STAC2: variants seen among roughly 807,000 people sequenced by gnomAD.
The protein encoded by STAC2 is SH3 and cysteine-rich domain-containing protein 2.
In STAC2, 36 loss-of-function variants were observed where a neutral mutation model predicts 49.0. The observed-to-expected ratio is 0.74, with a 90% confidence interval of 0.56 to 0.97. STAC2 has a LOEUF of 0.97. Ranked by LOEUF, STAC2 falls within the 50% of genes least tolerant of loss-of-function variation. The pLI is 0.00. For synonymous variants in STAC2, 239 were observed against 214.7 expected (o/e 1.11, Z -0.99); for missense variants, 527 against 543.8 (o/e 0.97, Z 0.31).
intron 4 of STAC2, 97 bp from the exon 5 acceptor site, chr17:39,215,327 C>A: frequency 8.3e-7 from 1 of 1,204,440 alleles, no homozygotes; most frequent in African/African-American, 1.5e-5. Context: ...CCAGCTGCCC[C>A]CTCACCTGTC....
At chr17:39,213,430 G>T (rs2144229134) in intron 9 of STAC2, 77 bp downstream of exon 9, 2 of 1,551,460 alleles carry the variant, frequency 1.3e-6, no homozygotes, top group Non-Finnish European at 1.8e-6. Flanking sequence ...GAGAGAAGGT[G>T]GGGGCAGTGC....
At chr17:39,224,689 C>G (rs890342614) in intron 1 of STAC2, among the ~76,000 whole-genome samples, 1 of 152,234 alleles carries the variant, frequency 6.6e-6, no homozygotes, top group African/African-American at 2.4e-5. Context: ...CCCGCTCCCC[C>G]TCCTCTGGTC....
intron 4 of STAC2, 72 bp from the exon 5 acceptor site, chr17:39,215,302 C>G: frequency 4.6e-6 from 7 of 1,507,520 alleles, no homozygotes; most frequent in Non-Finnish European, 5.5e-6. Context: ...CTCAGCATGC[C>G]CCAGGCTGAG....
intron 4 of STAC2, among the ~76,000 whole-genome samples, chr17:39,216,316 C>T (rs893489674): frequency 1.3e-5 from 2 of 152,194 alleles, no homozygotes; most frequent in African/African-American, 4.8e-5. Flanking sequence ...TCCTTATCTT[C>T]CCCACTTAAG....
At chr17:39,215,376 C>G (rs1348395796) in intron 4 of STAC2, 146 bp from the exon 5 acceptor site, 1 of 788,570 alleles carries the variant, frequency 1.3e-6, no homozygotes. Flanking sequence ...GGCTCTGGGT[C>G]CTCCCATGGT....
At position 39,225,549 on chromosome 17, in the gene STAC2, C is replaced by G. The variant is rs2046505663; in HGVS notation, c.-47G>C. 1 of 1,576,594 alleles carries G rather than the reference C, an allele frequency of 6.3e-7. No individual in the cohort carries two copies. The highest frequency in any genetic ancestry group is 8.7e-7 in the Non-Finnish European group (1 of 1,153,568). ...AGGGTGCCGAGATCCGACGGCAGGC[C>G]CACCGCGGGCAGGCTGCGGGTGGCG... On this transcript the variant is annotated 5_prime_UTR_variant, in exon 1 of 11. Transcript: ENST00000333461. The surrounding 1 kb of genome is among the most constrained non-coding windows in gnomAD (Gnocchi z 8.2).
In STAC2 at chr17:39,213,556, G is replaced by C. The variant is rs1231678177; in HGVS notation, c.944C>G (p.Pro315Arg). 1 of 1,613,750 alleles carries C rather than the reference G, an allele frequency of 6.2e-7. No homozygotes were observed. The highest frequency in any genetic ancestry group is 8.5e-7 in the Non-Finnish European group (1 of 1,179,816). The change falls in exon 9 of 11, where the codon CCT (proline) becomes CGT (arginine). Residue 315 changes from proline (P) to arginine (R), a missense_variant and splice_region_variant. Coordinates refer to ENST00000333461, the MANE Select transcript of STAC2 (RefSeq NM_198993.5). ...ATCCACCAGCATGATCCGATCTCCA[G>C]GCCTGGGGAGGACAGAGCTAGGGTT... ...PQENNDLALQ[P>R]GDRIMLVDDS...
Position 39,214,317 on chromosome 17 carries a change from G to C in STAC2, c.857C>G (p.Thr286Ser). The C allele has an allele frequency of 6.2e-7, 1 of 1,614,034 alleles. No individual in the cohort carries two copies. Among genetic ancestry groups the C allele is most frequent in the African/African-American group, 1.3e-5 (1 of 75,056 alleles). Residue 286 changes from threonine (T) to serine (S), a missense_variant, in exon 8 of 11, where the codon ACC becomes AGC. By Grantham distance (58) the Thr-to-Ser change is moderately conservative (BLOSUM62 1). Coordinates refer to ENST00000333461, the MANE Select transcript of STAC2 (RefSeq NM_198993.5). ...CATGGGCCCCACATCCTTCCGCAGG[G>C]TGGCTTTGGGGAGCTGCGGGAGAAT... ...KSPGQQLPKA[T>S]LRKDVGPMYS...
At chr17:39,217,502 T>C (rs749272549) in intron 2 of STAC2, among the ~76,000 whole-genome samples, 1 of 151,988 alleles carries the variant, frequency 6.6e-6, no homozygotes, top group Non-Finnish European at 1.5e-5. Flanking sequence ...GGTGGATGGA[T>C]TGCTTGAGCC....
Position 39,215,022 on chromosome 17 carries a change from C to T in STAC2, c.701G>A (p.Ser234Asn), listed in dbSNP as rs1233111331. The T allele has an allele frequency of 3.1e-6, 5 of 1,614,026 alleles. No homozygotes were observed. The highest frequency in any genetic ancestry group is 2.5e-6 in the Non-Finnish European group (3 of 1,180,016). The change falls in exon 6 of 11, where the codon AGT becomes AAT. Residue 234 changes from serine to asparagine, a missense_variant and splice_region_variant. Coordinates refer to ENST00000333461, the MANE Select transcript of STAC2 (RefSeq NM_198993.5). ...ATCCTCGGTCAGCTCATCCCGCTCA[C>T]TCTAGGGACAGAGAGAGGAGAGGGC... The part of the protein sequence containing the change: ...STSESPTRSL[S>N]ERDELTEDGE...
At chr17:39,222,398 G>C (rs578106583) in intron 1 of STAC2, among the ~76,000 whole-genome samples, 1 of 152,216 alleles carries the variant, frequency 6.6e-6, no homozygotes, top group Non-Finnish European at 1.5e-5. Context: ...GTGGAGAAGC[G>C]AGAAGGAATG....
At chr17:39,216,717 G>C (rs964193550) in intron 4 of STAC2, 93 bp downstream of exon 4, 1 of 1,225,856 alleles carries the variant, frequency 8.2e-7, no homozygotes, top group Non-Finnish European at 1.1e-6. Context: ...ATTGAGAGAC[G>C]GGGTTTCACT....
chr17:39,211,952 C>A lies in STAC2; in HGVS notation c.*340G>T. 1 of 245,198 alleles carries A rather than the reference C, an allele frequency of 4.1e-6. No homozygotes were observed. Among genetic ancestry groups the A allele is most frequent in the Non-Finnish European group, 8.0e-6 (1 of 125,360 alleles). 15.2% of individuals were successfully genotyped at this position (245,198 alleles called of 1,614,324 possible). A position where few individuals can be genotyped will look rare whatever the true frequency, so the allele number is the denominator to read the frequency against. ...GTGGGCAGGGGAAGGCTGGGAGAAG[C>A]AGCAAATAAATTCCCCAGGAATCTT... is the stretch of plus-strand genomic sequence containing the variant. On this transcript the variant is annotated 3_prime_UTR_variant, in exon 11 of 11. Transcript: ENST00000333461.
At chr17:39,219,483 A>C (rs1276716638) in intron 1 of STAC2, among the ~76,000 whole-genome samples, 1 of 151,634 alleles carries the variant, frequency 6.6e-6, no homozygotes, top group African/African-American at 2.4e-5. Flanking sequence ...CCACAGCTCC[A>C]CTCGGGTGAT....
At chr17:39,224,917 G>A (rs1036663093) in intron 1 of STAC2, among the ~76,000 whole-genome samples, 2 of 152,172 alleles carry the variant, frequency 1.3e-5, no homozygotes, top group Non-Finnish European at 2.9e-5. Flanking sequence ...GACGCCCTGA[G>A]ACGCGGAGAT....
rs377703687 is a variant in STAC2 at position 39,214,890 on chromosome 17, G to A, written c.773-29C>T. 7 of 1,613,812 alleles carry A rather than the reference G, an allele frequency of 4.3e-6. No individual in the cohort carries two copies. In the African/African-American group the frequency reaches 5.3e-5, roughly 12 times the overall value. Reference sequence around the variant, plus strand: ...GGGGCAGGAGAGGGAAAGGGTGAGAGGCAGCAGGGAGCACCCTCCATTGTA... The same window carrying A: ...GGGGCAGGAGAGGGAAAGGGTGAGAAGCAGCAGGGAGCACCCTCCATTGTA... On this transcript the variant is annotated intron_variant, in intron 6 of 10. Coordinates refer to ENST00000333461, the MANE Select transcript of STAC2 (RefSeq NM_198993.5).
Position 39,218,063 on chromosome 17 carries a change from C to A in STAC2, c.201G>T (p.Leu67=), listed in dbSNP as rs1157885703. 1 of 1,611,172 alleles carries A rather than the reference C, an allele frequency of 6.2e-7. No homozygotes were observed. The highest frequency in any genetic ancestry group is 1.7e-5 in the Admixed American group (1 of 59,940). Residue 67 remains leucine (L), a synonymous_variant, in exon 2 of 11, where the codon CTG becomes CTT. Transcript: ENST00000333461. Reference sequence around the variant, plus strand: ...GGGGCAGTGGGGTTGGGGGCGTCAGCAGCACCTCGGTGGGGCACTTGAGCT... The same window carrying A: ...GGGGCAGTGGGGTTGGGGGCGTCAGAAGCACCTCGGTGGGGCACTTGAGCT... The part of the protein sequence containing the change: ...GSELKCPTEV[L]LTPPTPLPPP...
At chr17:39,224,424 C>T (rs1420746038) in intron 1 of STAC2, among the ~76,000 whole-genome samples, 3 of 152,170 alleles carry the variant, frequency 2.0e-5, no homozygotes, top group Non-Finnish European at 2.9e-5. Context: ...AGGTTGATCC[C>T]GCAGAAACAG....
chr17:39,213,099 C>T lies in STAC2; in HGVS notation c.1027G>A (p.Ala343Thr). 1 of 1,612,114 alleles carries T rather than the reference C, an allele frequency of 6.2e-7. No individual in the cohort carries two copies. The highest frequency in any genetic ancestry group is 8.5e-7 in the Non-Finnish European group (1 of 1,180,026). ...GGCCTCACCCGTTGCACAAAATTAGCTGGGAAGAAGCCAACCCGGTCGCCG... is the reference window on the plus strand; with the variant it reads ...GGCCTCACCCGTTGCACAAAATTAGTTGGGAAGAAGCCAACCCGGTCGCCG... ...KIGDRVGFFPANFVQRVRPGE... is the reference protein window; with the variant it reads ...KIGDRVGFFPTNFVQRVRPGE... The change falls in exon 10 of 11, where the codon GCT (alanine) becomes ACT (threonine). Residue 343 changes from alanine (A) to threonine (T), a missense_variant. Physicochemically the swap from Ala to Thr is moderately conservative, Grantham distance 58. Coordinates refer to ENST00000333461, the MANE Select transcript of STAC2 (RefSeq NM_198993.5).
Sources: gnomAD v4.1 joint callset for allele counts (sites outside exome capture counted in the v4.1 genomes callset) on GRCh38, gnomAD v4.1.1 for gene constraint, Gnocchi (gnomAD v3.1) non-coding constraint, MANE v1.5 for transcripts, NCBI Gene and HGNC (gene_info 2026-07-23, HGNC 2026-07-21) for gene names.